The following LRRC9 variants were observed in gnomAD, a reference collection of about 807,000 sequenced individuals.
LRRC9 encodes the protein leucine-rich repeat-containing protein 9.
LRRC9 carries 122 observed loss-of-function variants against 63.2 expected under a neutral mutation model. The observed-to-expected ratio is 1.93, with a 90% confidence interval of 1.67 to 2.24. LRRC9 has a LOEUF of 2.24. Among genes scored for constraint, LRRC9 ranks in the 30% most tolerant of loss-of-function variants. LRRC9 has a pLI of 0.00. For synonymous variants in LRRC9, 366 were observed against 213.1 expected (o/e 1.72, Z -6.25); for missense variants, 1,071 against 627.7 (o/e 1.71, Z -7.55).
intron 17 of LRRC9, among the ~76,000 whole-genome samples, chr14:59,996,769 T>C (rs1204703073): frequency 6.6e-6 from 1 of 152,166 alleles, no homozygotes; most frequent in Non-Finnish European, 1.5e-5. Context: ...CTTGGCAGTA[T>C]TTATCGAGAG....
At chr14:59,993,613 G>C (rs1207017986) in intron 17 of LRRC9, among the ~76,000 whole-genome samples, 1 of 152,152 alleles carries the variant, frequency 6.6e-6, no homozygotes, top group African/African-American at 2.4e-5. Flanking sequence ...AAGGGAGGGA[G>C]GAAGATCTAC....
chr14:59,979,177 T>C (rs944479965), intron 15 of LRRC9, among the ~76,000 whole-genome samples: 1 of 152,204 alleles, frequency 6.6e-6, no homozygotes, highest in Non-Finnish European at 1.5e-5. Context: ...GGTGAGAGGA[T>C]TGCTTGAGCC....
At chr14:59,976,249 T>TA (rs1274400532) in intron 13 of LRRC9, among the ~76,000 whole-genome samples, 1 of 152,182 alleles carries the variant, frequency 6.6e-6, no homozygotes, top group Non-Finnish European at 1.5e-5. Context: ...ATAATAGAAA[T>TA]AAAGTACACA....
chr14:60,032,054 T>A lies in LRRC9; in HGVS notation c.3981T>A (p.Tyr1327Ter). ...CTACTCTCAGGGAGCTTACAGTGTA[T>A]GGCAATCCAGTGAGTATGTTACCAT... is the stretch of plus-strand genomic sequence containing the variant. Residue 1327 changes from tyrosine to a stop codon, truncating the protein, a stop_gained, in exon 29 of 32, where the codon TAT (tyrosine) becomes TAA (stop). Transcript: ENST00000445360. LOFTEE classifies it high-confidence loss of function. 1 of 699,656 alleles carries A rather than the reference T, an allele frequency of 1.4e-6. No homozygotes were observed. The highest frequency in any genetic ancestry group is 2.6e-6 in the Non-Finnish European group (1 of 383,112). The allele number at this position is 699,656 out of a possible 1,614,324, so 43.3% of individuals were successfully genotyped here. A position where few individuals can be genotyped will look rare whatever the true frequency, so the allele number is the denominator to read the frequency against.
At position 59,992,255 on chromosome 14, in the gene LRRC9, A is replaced by T. The variant is rs538893167; in HGVS notation, c.2212-5401A>T. 2.3e-3 allele frequency among the ~76,000 whole-genome samples: 347 copies of T among 152,330 alleles called. 1 individual carries two copies. Among genetic ancestry groups the T allele is most frequent in the African/African-American group, 7.8e-3 (325 of 41,580 alleles). ...AACAGACCTGCAGCTGAGGGTCCTG[A>T]CTGTTAGAAGGAAAACTAACAAACA... On this transcript the variant is annotated intron_variant, in intron 17 of 31. Transcript: ENST00000445360.
At chr14:60,018,051 CAT>C (rs1426997463) in intron 24 of LRRC9, among the ~76,000 whole-genome samples, 5 of 151,958 alleles carry the variant, frequency 3.3e-5, no homozygotes, top group Non-Finnish European at 7.4e-5. Context: ...ATTTCATAAA[CAT>C]ATATGTGAAT....
chr14:59,971,742 C>T (rs1270471201), intron 12 of LRRC9, among the ~76,000 whole-genome samples: 1 of 152,004 alleles, frequency 6.6e-6, no homozygotes, highest in Non-Finnish European at 1.5e-5. Context: ...TTTCCATTAT[C>T]CCCACATCTA....
intron 15 of LRRC9, among the ~76,000 whole-genome samples, chr14:59,980,428 C>T (rs1886807033): frequency 1.3e-5 from 2 of 152,114 alleles, no homozygotes; most frequent in African/African-American, 4.8e-5. Context: ...GGCAAATCCC[C>T]TTCCTCTGTC....
Position 59,990,069 on chromosome 14 carries a change from A to G in LRRC9, c.2211+4845A>G, listed in dbSNP as rs1887908883. On this transcript the variant is annotated intron_variant, in intron 17 of 31. Transcript: ENST00000445360. The surrounding 1 kb of genome is among the most constrained non-coding windows in gnomAD (Gnocchi z 4.2). Reference sequence around the variant, plus strand: ...TGGCCTCCCGACTAGATGGGATTACAGGTGCACACCACCACACCCAGCTAA... The same window carrying G: ...TGGCCTCCCGACTAGATGGGATTACGGGTGCACACCACCACACCCAGCTAA... Among the ~76,000 whole-genome samples the G allele has an allele frequency of 6.6e-6, 1 of 152,070 alleles. No homozygotes were observed. The highest frequency in any genetic ancestry group is 1.5e-5 in the Non-Finnish European group (1 of 68,036).
At chr14:60,048,525 A>T (rs945966404) in intron 29 of LRRC9, among the ~76,000 whole-genome samples, 1 of 152,194 alleles carries the variant, frequency 6.6e-6, no homozygotes, top group Non-Finnish European at 1.5e-5. Context: ...TATGCACATG[A>T]ACTAGAAAAT....
At chr14:59,961,620 T>A (rs989074251) in intron 10 of LRRC9, among the ~76,000 whole-genome samples, 2 of 152,040 alleles carry the variant, frequency 1.3e-5, no homozygotes, top group Admixed American at 1.3e-4. Flanking sequence ...ATACCAGGAA[T>A]TCAGGTCAAA....
chr14:59,946,696 C>T (rs1594843431), intron 8 of LRRC9, among the ~76,000 whole-genome samples: 1 of 143,768 alleles, frequency 7.0e-6, no homozygotes, highest in Non-Finnish European at 1.5e-5. Context: ...GTGATATTCC[C>T]CTTCCTGTGT....
chr14:59,961,856 G>T (rs1270049350), intron 10 of LRRC9, among the ~76,000 whole-genome samples: 1 of 152,160 alleles, frequency 6.6e-6, no homozygotes, highest in African/African-American at 2.4e-5. Context: ...CTGTGAAACA[G>T]AGAAAGATTG....
At chr14:59,978,062 G>A (rs1405416340) in exon 15 of LRRC9, 1 of 702,144 alleles carries the variant, frequency 1.4e-6, no homozygotes, top group Non-Finnish European at 2.6e-6. Flanking sequence ...GTTCGGCAGT[G>A]CAAGTGGTTT....
Position 60,062,577 on chromosome 14 carries a change from C to T in LRRC9, c.4277-746C>T, listed in dbSNP as rs77461170. Among the ~76,000 whole-genome samples the T allele has an allele frequency of 6.2e-3, 947 of 152,304 alleles. 51 individuals carry two copies. The East Asian group carries it at 0.15, about 23-fold the overall frequency. On this transcript the variant is annotated intron_variant, in intron 31 of 31. Coordinates refer to ENST00000445360, the Ensembl canonical transcript of LRRC9. ...GCAGATAAATTCAACTTTCTGAAAC[C>T]GTGAAGGCTAAGAATTTTGTAAATT...
chr14:60,027,746 C>T lies in LRRC9; in HGVS notation c.3704-138C>T. Reference sequence around the variant, plus strand: ...CTTCCTGTAAATTACATTTCAATTTCTCTTTGGAAATAAGTTTCTTGAATC... The same window carrying T: ...CTTCCTGTAAATTACATTTCAATTTTTCTTTGGAAATAAGTTTCTTGAATC... On this transcript the variant is annotated intron_variant, in intron 27 of 31. Coordinates refer to ENST00000445360, the Ensembl canonical transcript of LRRC9. This position sits in a 1 kb window ranked among gnomAD's most constrained non-coding sequence, Gnocchi z 4.0. 1 of 527,062 alleles carries T rather than the reference C, an allele frequency of 1.9e-6. No homozygotes were observed. The highest frequency in any genetic ancestry group is 3.3e-6 in the Non-Finnish European group (1 of 299,508). 32.6% of individuals were successfully genotyped at this position (527,062 alleles called of 1,614,324 possible).
At chr14:60,030,980 T>C (rs1344667773) in intron 28 of LRRC9, among the ~76,000 whole-genome samples, 2 of 152,104 alleles carry the variant, frequency 1.3e-5, no homozygotes, top group African/African-American at 4.8e-5. Flanking sequence ...TAACATTTTC[T>C]GTGAAAAACA....
chr14:59,989,927 C>CTTT (rs71451089), intron 17 of LRRC9, among the ~76,000 whole-genome samples: 1 of 132,326 alleles, frequency 7.6e-6, no homozygotes, highest in Non-Finnish European at 1.6e-5. Flanking sequence ...CTAGACCTTC[C>CTTT]TTTTTTTTTT....
At chr14:59,955,002 C>T (rs1032472544) in intron 8 of LRRC9, among the ~76,000 whole-genome samples, 1 of 152,118 alleles carries the variant, frequency 6.6e-6, no homozygotes, top group South Asian at 2.1e-4. Flanking sequence ...CTGACTTGAT[C>T]GTGGTGGATA....
Sources: allele counts gnomAD v4.1 joint callset (sites outside exome capture counted in the v4.1 genomes callset), GRCh38; gene constraint gnomAD v4.1.1; non-coding constraint Gnocchi (gnomAD v3.1); transcripts MANE v1.5; gene names NCBI Gene and HGNC (gene_info 2026-07-23, HGNC 2026-07-21).